CACNA2D3: variants seen among roughly 807,000 people sequenced by gnomAD.
CACNA2D3 encodes voltage-dependent calcium channel subunit alpha-2/delta-3.
In CACNA2D3, 60 loss-of-function variants were observed where a neutral mutation model predicts 160.6. That is an observed-to-expected ratio of 0.37 (90% CI 0.30 to 0.46). CACNA2D3 has a LOEUF of 0.46. CACNA2D3 is among the 20% of genes least tolerant of loss of function. The probability of loss-of-function intolerance (pLI) is 1.00; values close to 1 mark genes in which losing one functional copy is unlikely to be tolerated. For synonymous variants in CACNA2D3, 558 were observed against 492.9 expected (o/e 1.13, Z -1.75); for missense variants, 1,205 against 1,365.0 (o/e 0.88, Z 1.85).
chr3:54,444,543 C>T (rs1700191534), intron 4 of CACNA2D3, among the ~76,000 whole-genome samples: 2 of 152,084 alleles, frequency 1.3e-5, no homozygotes, highest in African/African-American at 4.8e-5. Context: ...TTTTTGGTTT[C>T]TTGTACTTTT....
At position 54,876,395 on chromosome 3, in the gene CACNA2D3, T is replaced by G. The variant is rs1333695682; in HGVS notation, c.1711-2623T>G. 3 of 152,122 alleles carry G rather than the reference T, an allele frequency of 2.0e-5. No individual in the cohort carries two copies. In the East Asian group the frequency reaches 5.8e-4, roughly 29 times the overall value. The allele number at this position is 152,122 out of a possible 1,614,324, so 9.4% of individuals were successfully genotyped here. ...AGGGCAGTCTATTAAGTCATCAAAC[T>G]CCCTTTCCTCCTCTGGCAAGGAGGA... On this transcript the variant is annotated intron_variant, in intron 18 of 37. Coordinates refer to ENST00000474759, the MANE Select transcript of CACNA2D3 (RefSeq NM_018398.3).
intron 33 of CACNA2D3, 46 bp downstream of exon 33, chr3:55,007,888 C>A: frequency 7.6e-7 from 1 of 1,324,282 alleles, no homozygotes; most frequent in East Asian, 2.7e-5. Context: ...TAATATTTTC[C>A]TTTTTGTATC....
intron 17 of CACNA2D3, among the ~76,000 whole-genome samples, chr3:54,861,000 T>C (rs964070344): frequency 1.3e-5 from 2 of 152,208 alleles, no homozygotes; most frequent in Non-Finnish European, 2.9e-5. Flanking sequence ...ATTCCCTCGG[T>C]CCACTCATTC....
intron 4 of CACNA2D3, among the ~76,000 whole-genome samples, chr3:54,448,376 CTG>C (rs1230856787): frequency 2.0e-5 from 3 of 152,208 alleles, no homozygotes; most frequent in African/African-American, 7.2e-5. Flanking sequence ...TCCTCTAGTT[CTG>C]TGTTTTAGAC....
At chr3:54,249,449 G>A (rs1270786116) in intron 2 of CACNA2D3, among the ~76,000 whole-genome samples, 4 of 151,962 alleles carry the variant, frequency 2.6e-5, no homozygotes, top group Admixed American at 2.6e-4. Flanking sequence ...TTTGAACTTT[G>A]TCTGCACCAG....
At chr3:54,688,097 T>C (rs1452770502) in intron 11 of CACNA2D3, among the ~76,000 whole-genome samples, 49 of 152,210 alleles carry the variant, frequency 3.2e-4, no homozygotes, top group Non-Finnish European at 1.5e-4. Context: ...ACATCACATG[T>C]TTTATTATTT....
rs148680174 is a variant in CACNA2D3, at chr3:54,859,366, A to G, written c.1627-12173A>G. On this transcript the variant is annotated intron_variant, in intron 17 of 37. Coordinates refer to ENST00000474759, the MANE Select transcript of CACNA2D3 (RefSeq NM_018398.3). ...TTAGGTGAACTTTCATCATCATGTG[A>G]TAGGCACATCTATTTCCAAACACAT... Among the ~76,000 whole-genome samples, 9 of 152,342 alleles carry G rather than the reference A, an allele frequency of 5.9e-5. No individual in the cohort carries two copies. The East Asian group carries it at 1.3e-3, about 23-fold the overall frequency.
chr3:54,571,686 A>G (rs1702500900), intron 8 of CACNA2D3, among the ~76,000 whole-genome samples: 1 of 127,600 alleles, frequency 7.8e-6, no homozygotes, highest in African/African-American at 2.6e-5. Flanking sequence ...TTGCATGAAA[A>G]TAACACACAT....
chr3:54,617,584 AAAAC>A (rs376247855), intron 9 of CACNA2D3, among the ~76,000 whole-genome samples: 19 of 152,374 alleles, frequency 1.2e-4, no homozygotes, highest in South Asian at 1.0e-3. Flanking sequence ...CAGATTTTGC[AAAAC>A]AAACAAACAG....
Position 54,392,933 on chromosome 3 carries a change from G to A in CACNA2D3, c.381+6159G>A, listed in dbSNP as rs146492695. ...GTGGGAGAGTGATGTCAACAAGATG[G>A]CTGGCTAGAAGAAGCCCTTAGTGCT... On this transcript the variant is annotated intron_variant, in intron 4 of 37. Coordinates refer to ENST00000474759, the MANE Select transcript of CACNA2D3 (RefSeq NM_018398.3). Among the ~76,000 whole-genome samples the A allele has an allele frequency of 1.6e-4, 24 of 152,294 alleles. 1 individual carries two copies. Among genetic ancestry groups the A allele is most frequent in the African/African-American group, 5.1e-4 (21 of 41,566 alleles).
At chr3:54,613,700 C>A (rs1436482876) in intron 9 of CACNA2D3, among the ~76,000 whole-genome samples, 1 of 152,186 alleles carries the variant, frequency 6.6e-6, no homozygotes, top group Non-Finnish European at 1.5e-5. Flanking sequence ...CTGAGTCTGG[C>A]TCCTTGCTGC....
chr3:54,260,271 T>C (rs1702379686), intron 2 of CACNA2D3, among the ~76,000 whole-genome samples: 1 of 152,190 alleles, frequency 6.6e-6, no homozygotes, highest in Admixed American at 6.5e-5. Context: ...CAAGGATGTG[T>C]CTCTGTCTTA....
At chr3:54,541,304 AAAG>A (rs1380133714) in intron 5 of CACNA2D3, among the ~76,000 whole-genome samples, 32 of 147,938 alleles carry the variant, frequency 2.2e-4, no homozygotes, top group African/African-American at 7.6e-4. Flanking sequence ...AAAAAAAAGA[AAAG>A]AAAAGAAAAG....
At chr3:54,788,539 C>T (rs1053077503) in intron 13 of CACNA2D3, among the ~76,000 whole-genome samples, 1 of 152,148 alleles carries the variant, frequency 6.6e-6, no homozygotes, top group Non-Finnish European at 1.5e-5. Flanking sequence ...AGTGGAAAGC[C>T]TGGGGATACT....
At chr3:54,161,412 C>T (rs760790073) in intron 2 of CACNA2D3, among the ~76,000 whole-genome samples, 16 of 152,352 alleles carry the variant, frequency 1.1e-4, no homozygotes, top group Non-Finnish European at 2.1e-4. Context: ...AAACATAGGC[C>T]TGTGAACACA....
At chr3:54,772,921 G>A (rs1395519515) in intron 13 of CACNA2D3, among the ~76,000 whole-genome samples, 1 of 152,202 alleles carries the variant, frequency 6.6e-6, no homozygotes, top group Non-Finnish European at 1.5e-5. Flanking sequence ...TTCCTGATCA[G>A]CCCCTCCAGG....
intron 2 of CACNA2D3, among the ~76,000 whole-genome samples, chr3:54,140,384 C>T (rs1238135745): frequency 1.3e-5 from 2 of 152,206 alleles, no homozygotes; most frequent in Non-Finnish European, 2.9e-5. Context: ...AGCAAAATAC[C>T]AGGCGTTCTG....
Position 54,503,577 on chromosome 3 carries a change from C to G in CACNA2D3, c.467C>G (p.Pro156Arg). The G allele has an allele frequency of 6.2e-7, 1 of 1,613,654 alleles. No homozygotes were observed. Among genetic ancestry groups the G allele is most frequent in the Non-Finnish European group, 8.5e-7 (1 of 1,179,608 alleles). ...LELGKEFILA[P>R]NDHFNNLPVN... ...CTGGGAAAGGAATTCATCTTAGCCC[C>G]AAATGACCATTTTAATAATTTGCCT... The change falls in exon 5 of 38, where the codon CCA becomes CGA. Residue 156 changes from proline to arginine, a missense_variant. By Grantham distance (103) the Pro-to-Arg change is moderately radical. Transcript: ENST00000474759.
chr3:54,227,151 A>G (rs1215520014), intron 2 of CACNA2D3, among the ~76,000 whole-genome samples: 2 of 152,184 alleles, frequency 1.3e-5, no homozygotes, highest in Non-Finnish European at 2.9e-5. Context: ...GAACAGTACA[A>G]ATGTTATGGA....
Sources: allele counts gnomAD v4.1 joint callset (sites outside exome capture counted in the v4.1 genomes callset), GRCh38; gene constraint gnomAD v4.1.1; transcripts MANE v1.5; gene names NCBI Gene and HGNC (gene_info 2026-07-23, HGNC 2026-07-21).